FAM163A: variants seen among roughly 807,000 people sequenced by gnomAD.
FAM163A encodes the protein family with sequence similarity 163 member A.
In FAM163A, 7 loss-of-function variants were observed where a neutral mutation model predicts 12.0. That is an observed-to-expected ratio of 0.58 (90% CI 0.33 to 1.10). The LOEUF (loss-of-function observed/expected upper bound fraction) is 1.10. Ranked by LOEUF, FAM163A falls within the 50% of genes least tolerant of loss-of-function variation. The pLI, the probability that FAM163A is intolerant of heterozygous loss-of-function variation, is 0.03. For synonymous variants in FAM163A, 101 were observed against 91.0 expected, an observed-to-expected ratio of 1.11 and a Z score of -0.62; for missense variants, 202 against 218.6, an observed-to-expected ratio of 0.92 and a Z score of 0.48.
At chr1:179,777,494 G>A (rs1689143326) in intron 1 of FAM163A, among the ~76,000 whole-genome samples, 1 of 152,170 alleles carries the variant, frequency 6.6e-6, no homozygotes, top group Non-Finnish European at 1.5e-5. Context: ...GACCCGAAGA[G>A]CCTCTCAGAC....
Position 179,814,369 on chromosome 1 carries a change from G to A in FAM163A, c.*180G>A. On this transcript the variant is annotated 3_prime_UTR_variant, in exon 5 of 5. Transcript: ENST00000341785. Reference sequence around the variant, plus strand: ...TGAGTGCATTGAGAACCAAGACAGGGCCTGGCTCCAACTCTGTGGGCCAGA... The same window carrying A: ...TGAGTGCATTGAGAACCAAGACAGGACCTGGCTCCAACTCTGTGGGCCAGA... The A allele has an allele frequency of 1.2e-6, 1 of 820,648 alleles. No homozygotes were observed. Among genetic ancestry groups the A allele is most frequent in the Non-Finnish European group, 1.8e-6 (1 of 550,092 alleles). The allele number at this position is 820,648 out of a possible 1,614,324, so 50.8% of individuals were successfully genotyped here.
At chr1:179,789,958 C>T (rs1271706594) in intron 1 of FAM163A, among the ~76,000 whole-genome samples, 1 of 152,060 alleles carries the variant, frequency 6.6e-6, no homozygotes, top group African/African-American at 2.4e-5. Flanking sequence ...ATGTAGTGGG[C>T]AATAGCAACC....
chr1:179,798,771 G>A (rs1040120546), intron 1 of FAM163A, among the ~76,000 whole-genome samples: 3 of 152,186 alleles, frequency 2.0e-5, no homozygotes, highest in African/African-American at 7.2e-5. Flanking sequence ...CTCCCTGCAC[G>A]ATGTGGGTGG....
intron 1 of FAM163A, among the ~76,000 whole-genome samples, chr1:179,744,653 C>G (rs1684190163): frequency 6.6e-6 from 1 of 152,158 alleles, no homozygotes; most frequent in African/African-American, 2.4e-5. Flanking sequence ...GCAAGTTTGA[C>G]GTGACGGGGA....
intron 1 of FAM163A, among the ~76,000 whole-genome samples, chr1:179,755,394 C>T (rs1685874494): frequency 6.6e-6 from 1 of 152,098 alleles, no homozygotes; most frequent in South Asian, 2.1e-4. Flanking sequence ...AAGGAAAAGC[C>T]ACTGGCATTA....
chr1:179,765,649 C>A (rs1162608460), intron 1 of FAM163A, among the ~76,000 whole-genome samples: 1 of 148,608 alleles, frequency 6.7e-6, no homozygotes, highest in Non-Finnish European at 1.5e-5. Context: ...AAGTTAATAA[C>A]AACTGGTTAA....
At chr1:179,745,718 C>A (rs1684374024) in intron 1 of FAM163A, among the ~76,000 whole-genome samples, 1 of 152,166 alleles carries the variant, frequency 6.6e-6, no homozygotes, top group African/African-American at 2.4e-5. Flanking sequence ...TGCAAAATTA[C>A]TATTATTTCC....
chr1:179,788,014 A>G (rs1690900210), intron 1 of FAM163A, among the ~76,000 whole-genome samples: 1 of 152,232 alleles, frequency 6.6e-6, no homozygotes. Flanking sequence ...GGAGACAACA[A>G]GTTAATATAT....
chr1:179,739,884 T>C (rs551267585), upstream of FAM163A, among the ~76,000 whole-genome samples: 1 of 152,204 alleles, frequency 6.6e-6, no homozygotes, highest in Admixed American at 6.5e-5. Context: ...TAAGAATGGG[T>C]GAAAGTTTTA....
chr1:179,791,714 C>A (rs189485426), intron 1 of FAM163A, among the ~76,000 whole-genome samples: 1 of 152,240 alleles, frequency 6.6e-6, no homozygotes, highest in Non-Finnish European at 1.5e-5. Context: ...CATCTGTGGC[C>A]TCCATTTATA....
chr1:179,753,251 A>T (rs766175717), intron 1 of FAM163A, among the ~76,000 whole-genome samples: 7 of 152,228 alleles, frequency 4.6e-5, no homozygotes, highest in Non-Finnish European at 1.0e-4. Context: ...TACATGAGGC[A>T]TCTAAAATAG....
intron 1 of FAM163A, among the ~76,000 whole-genome samples, chr1:179,804,935 C>T (rs370259980): frequency 5.9e-5 from 9 of 152,346 alleles, no homozygotes; most frequent in African/African-American, 2.2e-4. Flanking sequence ...CAAACCTGCA[C>T]TTGTATCCCC....
chr1:179,755,492 A>G (rs1295582741), intron 1 of FAM163A, among the ~76,000 whole-genome samples: 1 of 152,178 alleles, frequency 6.6e-6, no homozygotes, highest in South Asian at 2.1e-4. Context: ...AGAATTTTTG[A>G]TGAAGGGGAA....
At chr1:179,811,621 G>A (rs1309685949) in intron 2 of FAM163A, among the ~76,000 whole-genome samples, 1 of 152,210 alleles carries the variant, frequency 6.6e-6, no homozygotes, top group Non-Finnish European at 1.5e-5. Flanking sequence ...CCGGGCAGGT[G>A]CAGCCCTCTA....
chr1:179,763,323 T>C (rs1687063632), intron 1 of FAM163A, among the ~76,000 whole-genome samples: 1 of 152,256 alleles, frequency 6.6e-6, no homozygotes, highest in Non-Finnish European at 1.5e-5. Flanking sequence ...CCTGTATCTG[T>C]TGTTTCTCAA....
At chr1:179,763,766 C>G (rs2148060445) in intron 1 of FAM163A, among the ~76,000 whole-genome samples, 1 of 152,276 alleles carries the variant, frequency 6.6e-6, no homozygotes, top group Admixed American at 6.5e-5. Flanking sequence ...AACTGAAGGC[C>G]AGACCTCCTC....
At chr1:179,804,615 T>TG (rs1693660735) in intron 1 of FAM163A, among the ~76,000 whole-genome samples, 2 of 152,246 alleles carry the variant, frequency 1.3e-5, no homozygotes, top group African/African-American at 2.4e-5. Context: ...CATGGAATAC[T>TG]ATGCAGCCAT....
intron 1 of FAM163A, among the ~76,000 whole-genome samples, chr1:179,797,387 G>A (rs1692477561): frequency 6.6e-6 from 1 of 152,154 alleles, no homozygotes; most frequent in African/African-American, 2.4e-5. Flanking sequence ...GGCAGAGGTT[G>A]CAGTGAGCCA....
the FAM163A span, among the ~76,000 whole-genome samples, chr1:179,733,506 A>G: frequency 7.9e-5 from 12 of 152,328 alleles, no homozygotes; most frequent in African/African-American, 2.9e-4. Context: ...TAAATACAAG[A>G]TAAAATTAAG....
Sources: gnomAD v4.1 joint callset for allele counts (sites outside exome capture counted in the v4.1 genomes callset) on GRCh38, gnomAD v4.1.1 for gene constraint, MANE v1.5 for transcripts, NCBI Gene and HGNC (gene_info 2026-07-23, HGNC 2026-07-21) for gene names.